CHRDL1: variants seen among roughly 807,000 people sequenced by gnomAD.
CHRDL1 encodes the protein chordin like 1, also known as chordin-like protein 1.
A neutral mutation model predicts 40.9 loss-of-function variants in CHRDL1; 19 were observed. That is an observed-to-expected ratio of 0.46 (90% CI 0.32 to 0.68). CHRDL1 has a LOEUF of 0.68. Ranked by LOEUF, CHRDL1 falls within the 30% of genes least tolerant of loss-of-function variation. CHRDL1 has a pLI of 0.03. For missense variants in CHRDL1, 329 were observed against 352.1 expected (o/e 0.93, Z 0.53); for synonymous variants, 136 against 123.4 (o/e 1.10, Z -0.68).
At chrX:110,755,399 A>G (rs1266386256) in intron 4 of CHRDL1, among the ~76,000 whole-genome samples, 1 of 112,143 alleles carries the variant, frequency 8.9e-6, no homozygotes. Context: ...CAGGAGCTGT[A>G]GGAGACAATT....
chrX:110,752,997 G>C (rs1220686167), intron 4 of CHRDL1, among the ~76,000 whole-genome samples: 1 of 111,399 alleles, frequency 9.0e-6, no homozygotes, highest in Non-Finnish European at 1.9e-5. Flanking sequence ...AAATTTAAGA[G>C]AGATTCCTCA....
chrX:110,748,803 G>A (rs1049670750), intron 4 of CHRDL1, among the ~76,000 whole-genome samples: 1 of 111,940 alleles, frequency 8.9e-6, no homozygotes, highest in African/African-American at 3.2e-5. Flanking sequence ...ATAGAGACAG[G>A]AAGTAGAAAG....
At chrX:110,767,942 A>G (rs2089687970) in intron 2 of CHRDL1, among the ~76,000 whole-genome samples, 1 of 112,196 alleles carries the variant, frequency 8.9e-6, no homozygotes, top group Admixed American at 9.5e-5. Flanking sequence ...AGCAAAAAGA[A>G]CAAATCTGGA....
rs776848122 is a variant in CHRDL1 at position 110,721,498 on chromosome X, T to C, written c.334A>G (p.Thr112Ala). The part of the protein sequence containing the change: ...DSLPPVNNKV[T>A]SKSCEYNGTT... ...CCATTGTACTCGCAAGACTTGCTGG[T>C]CACCTTATTGTTCACTGGGGGTAAG... is the stretch of plus-strand genomic sequence containing the variant. Residue 112 changes from threonine (T) to alanine (A), a missense_variant, in exon 5 of 12, where the codon ACC becomes GCC. Physicochemically the swap from Thr to Ala is moderately conservative, Grantham distance 58. Transcript: ENST00000372042. The C allele has an allele frequency of 9.1e-6, 11 of 1,207,612 alleles. No individual in the cohort carries two copies. The highest frequency in any genetic ancestry group is 1.8e-5 in the African/African-American group (1 of 57,114).
At position 110,675,151 on chromosome X, in the gene CHRDL1, A is replaced by T. The variant is rs1434919706; in HGVS notation, c.*1080T>A. ...CTCCTATAATTGGAGAAGAAGGAAA[A>T]CTTCCCTTTTAAAGAGCTTCTAGAA... On this transcript the variant is annotated 3_prime_UTR_variant, in exon 12 of 12. Coordinates refer to ENST00000372042, the MANE Select transcript of CHRDL1 (RefSeq NM_001143981.2). 1 of 111,261 alleles carries T rather than the reference A, an allele frequency of 9.0e-6. No individual in the cohort carries two copies. Among genetic ancestry groups the T allele is most frequent in the Non-Finnish European group, 1.9e-5 (1 of 52,987 alleles). The allele number at this position is 111,261 out of a possible 1,213,427, so 9.2% of individuals were successfully genotyped here.
At chrX:110,773,614 G>A in intron 2 of CHRDL1, among the ~76,000 whole-genome samples, 1 of 106,984 alleles carries the variant, frequency 9.3e-6, no homozygotes, top group South Asian at 4.3e-4. Flanking sequence ...TGTAGTCCCA[G>A]CTACTAGGGA....
chrX:110,701,740 G>A (rs1569466343), intron 6 of CHRDL1, among the ~76,000 whole-genome samples: 2 of 111,326 alleles, frequency 1.8e-5, no homozygotes, highest in Non-Finnish European at 3.8e-5. Context: ...CTTGAGCTTG[G>A]CAGGTGGAGG....
intron 4 of CHRDL1, among the ~76,000 whole-genome samples, chrX:110,722,970 G>T (rs2070988739): frequency 8.9e-6 from 1 of 111,776 alleles, no homozygotes; most frequent in Non-Finnish European, 1.9e-5. Flanking sequence ...AACAGAATGG[G>T]CCAGGCGCGG....
chrX:110,793,859 A>C (rs945562892), intron 1 of CHRDL1, among the ~76,000 whole-genome samples: 4 of 112,028 alleles, frequency 3.6e-5, no homozygotes, highest in Admixed American at 9.4e-5. Context: ...TCAAGTTGGC[A>C]AGAAAACAGC....
At chrX:110,788,499 TA>T (rs1385074144) in intron 2 of CHRDL1, among the ~76,000 whole-genome samples, 2 of 111,910 alleles carry the variant, frequency 1.8e-5, no homozygotes, top group Admixed American at 1.9e-4. Context: ...CCCTGCAAGA[TA>T]AAAAACTTTG....
At chrX:110,680,562 C>T (rs1175640223) in intron 10 of CHRDL1, among the ~76,000 whole-genome samples, 1 of 112,034 alleles carries the variant, frequency 8.9e-6, no homozygotes, top group Non-Finnish European at 1.9e-5. Flanking sequence ...GGACTCTACC[C>T]AAGGTCTACT....
chrX:110,758,764 T>C (rs1179530098), intron 4 of CHRDL1, among the ~76,000 whole-genome samples: 1 of 112,035 alleles, frequency 8.9e-6, no homozygotes, highest in Non-Finnish European at 1.9e-5. Flanking sequence ...TAAAGGAATT[T>C]ACAAATATAC....
intron 8 of CHRDL1, among the ~76,000 whole-genome samples, chrX:110,689,450 CTATATATCTATATATA>C (rs2070119410): frequency 1.7e-5 from 1 of 58,895 alleles, no homozygotes; most frequent in African/African-American, 2.0e-4. Flanking sequence ...CTATATATAT[CTATATATCTATATATA>C]TCTATATATC....
At chrX:110,754,370 TG>T (rs1248660776) in intron 4 of CHRDL1, among the ~76,000 whole-genome samples, 1 of 112,478 alleles carries the variant, frequency 8.9e-6, no homozygotes, top group Non-Finnish European at 1.9e-5. Flanking sequence ...AAGTTTTGAG[TG>T]GTTTTCTCTA....
intron 4 of CHRDL1, among the ~76,000 whole-genome samples, chrX:110,742,963 A>G (rs991603610): frequency 7.1e-5 from 8 of 112,240 alleles, no homozygotes; most frequent in Non-Finnish European, 1.1e-4. Flanking sequence ...ACTGCCGCAC[A>G]GAAGTATCCA....
chrX:110,709,338 G>C (rs887111698), intron 6 of CHRDL1, among the ~76,000 whole-genome samples: 6 of 112,124 alleles, frequency 5.4e-5, no homozygotes, highest in Non-Finnish European at 1.1e-4. Context: ...ACTCCCACAA[G>C]TGTGCTGTGT....
intron 4 of CHRDL1, among the ~76,000 whole-genome samples, chrX:110,744,365 C>A (rs765294543): frequency 9.0e-6 from 1 of 111,470 alleles, no homozygotes; most frequent in Non-Finnish European, 1.9e-5. Context: ...CTTCTTCCTT[C>A]CTTCTCTGGC....
chrX:110,750,002 G>A (rs1306786218), intron 4 of CHRDL1, among the ~76,000 whole-genome samples: 1 of 111,428 alleles, frequency 9.0e-6, no homozygotes, highest in Non-Finnish European at 1.9e-5. Flanking sequence ...AAATACTACT[G>A]GTGTTCTGCA....
At chrX:110,693,723 C>G (rs1900985895) in intron 8 of CHRDL1, among the ~76,000 whole-genome samples, 1 of 110,951 alleles carries the variant, frequency 9.0e-6, no homozygotes, top group African/African-American at 3.3e-5. Flanking sequence ...GAATATGTAT[C>G]TTTAACGAGA....
Sources: allele counts gnomAD v4.1 joint callset (sites outside exome capture counted in the v4.1 genomes callset), GRCh38; gene constraint gnomAD v4.1.1; transcripts MANE v1.5; gene names NCBI Gene and HGNC (gene_info 2026-07-23, HGNC 2026-07-21).